Variants in DPP10 observed in about 807,000 individuals in gnomAD.
The protein encoded by DPP10 is dipeptidyl peptidase like 10.
Under a neutral mutation model 120.9 loss-of-function variants are expected in DPP10, and 33 were observed. The observed-to-expected ratio is 0.27, with a 90% CI of 0.21 to 0.37. The LOEUF is 0.37. Among genes scored for constraint, DPP10 ranks in the 10% least tolerant of loss-of-function variants. The pLI is 1.00. For missense variants in DPP10, 816 were observed against 942.8 expected, an observed-to-expected ratio of 0.87 and a Z score of 1.76; for synonymous variants, 337 against 326.1, an observed-to-expected ratio of 1.03 and a Z score of -0.36.
At chr2:115,304,337 T>C (rs2061271887) in intron 1 of DPP10, among the ~76,000 whole-genome samples, 3 of 151,998 alleles carry the variant, frequency 2.0e-5, no homozygotes, top group African/African-American at 7.2e-5. Context: ...GAGTGATTGG[T>C]GTGATTGGGT....
intron 1 of DPP10, among the ~76,000 whole-genome samples, chr2:115,287,611 A>G (rs528329526): frequency 5.1e-4 from 78 of 152,242 alleles, no homozygotes; most frequent in Admixed American, 2.6e-3. Context: ...AAGTTGCGGC[A>G]AAAGACATTA....
intron 1 of DPP10, among the ~76,000 whole-genome samples, chr2:114,754,679 G>T (rs1038817214): frequency 6.6e-6 from 1 of 152,036 alleles, no homozygotes; most frequent in Non-Finnish European, 1.5e-5. Context: ...TCTAGCATGC[G>T]GCCTAGGTCA....
intron 1 of DPP10, among the ~76,000 whole-genome samples, chr2:114,919,036 CAAAAA>C (rs10559818): frequency 4.0e-5 from 5 of 124,848 alleles, no homozygotes; most frequent in South Asian, 2.7e-4. Context: ...AAAGAGATTC[CAAAAA>C]AAAAAAAAAA....
chr2:115,403,115 T>C (rs957658279), intron 3 of DPP10, among the ~76,000 whole-genome samples: 4 of 151,256 alleles, frequency 2.6e-5, no homozygotes, highest in African/African-American at 9.7e-5. Context: ...GTTCAAAATA[T>C]GCAGATCAAT....
intron 1 of DPP10, among the ~76,000 whole-genome samples, chr2:114,528,022 T>A (rs769400540): frequency 6.6e-6 from 1 of 152,132 alleles, no homozygotes; most frequent in Non-Finnish European, 1.5e-5. Context: ...AGAACCTTCA[T>A]AAATGGAGAG....
At position 114,998,586 on chromosome 2, in the gene DPP10, T is replaced by C. The variant is rs547712525; in HGVS notation, c.61-310653T>C. Among the ~76,000 whole-genome samples, 67 of 152,266 alleles carry C rather than the reference T, an allele frequency of 4.4e-4. 1 individual carries two copies. The highest frequency in any genetic ancestry group is 1.2e-3 in the Admixed American group (19 of 15,300). On this transcript the variant is annotated intron_variant, in intron 1 of 25. Transcript: ENST00000410059. ...CTTCTCTCTGTCCTTGTGTTTCTTA[T>C]CTGAATTCATTTGATTAATCAGTAT...
intron 1 of DPP10, among the ~76,000 whole-genome samples, chr2:115,144,538 T>C (rs999162484): frequency 6.6e-5 from 10 of 151,560 alleles, no homozygotes; most frequent in African/African-American, 2.4e-4. Context: ...TAGGCAGGGT[T>C]TTAAATGATG....
At chr2:115,689,621 A>T in intron 5 of DPP10, 66 bp from the exon 6 acceptor site, 2 of 1,055,490 alleles carry the variant, frequency 1.9e-6, no homozygotes, top group Non-Finnish European at 2.7e-6. Flanking sequence ...TGTTACTAAG[A>T]ATATATATAC....
At chr2:114,913,671 C>T (rs1383595308) in intron 1 of DPP10, among the ~76,000 whole-genome samples, 2 of 152,126 alleles carry the variant, frequency 1.3e-5, no homozygotes, top group African/African-American at 2.4e-5. Context: ...TCCAGAGAAC[C>T]TCCAAACAAC....
intron 1 of DPP10, among the ~76,000 whole-genome samples, chr2:114,958,182 T>C (rs1199286528): frequency 6.6e-6 from 1 of 152,134 alleles, no homozygotes; most frequent in Non-Finnish European, 1.5e-5. Flanking sequence ...AACAGCTGGA[T>C]TGGTTACAGA....
chr2:115,528,674 T>C (rs1363170534), intron 5 of DPP10, among the ~76,000 whole-genome samples: 1 of 152,004 alleles, frequency 6.6e-6, no homozygotes, highest in Admixed American at 6.6e-5. Context: ...GTAATAAATA[T>C]TCAGCAATAC....
chr2:114,953,134 A>G (rs906511917), intron 1 of DPP10, among the ~76,000 whole-genome samples: 4 of 152,080 alleles, frequency 2.6e-5, no homozygotes, highest in African/African-American at 9.7e-5. Flanking sequence ...AAATCCTTCA[A>G]AAGTTTAAAA....
At chr2:114,789,844 TA>T (rs1456045931) in intron 1 of DPP10, among the ~76,000 whole-genome samples, 1 of 152,186 alleles carries the variant, frequency 6.6e-6, no homozygotes, top group Admixed American at 6.5e-5. Context: ...CAGAGAAGAA[TA>T]AATTCCAGTG....
chr2:115,046,447 G>A (rs1024456732), intron 1 of DPP10, among the ~76,000 whole-genome samples: 4 of 152,102 alleles, frequency 2.6e-5, no homozygotes, highest in Admixed American at 6.6e-5. Flanking sequence ...TTCTCTGCTT[G>A]GGTAAGGAAA....
At chr2:115,307,131 G>T (rs2106009812) in intron 1 of DPP10, among the ~76,000 whole-genome samples, 1 of 152,180 alleles carries the variant, frequency 6.6e-6, no homozygotes, top group Admixed American at 6.6e-5. Context: ...TTGTGAAGAT[G>T]ACACTAATCT....
intron 1 of DPP10, among the ~76,000 whole-genome samples, chr2:114,757,352 A>T (rs1157558570): frequency 2.4e-5 from 2 of 83,260 alleles, no homozygotes; most frequent in Non-Finnish European, 4.5e-5. Flanking sequence ...AAGTAGGGAG[A>T]GGGGGAGGGA....
At chr2:114,683,555 T>TCTCC (rs1276469239) in intron 1 of DPP10, among the ~76,000 whole-genome samples, 236 of 140,732 alleles carry the variant, frequency 1.7e-3, no homozygotes, top group African/African-American at 6.0e-3. Context: ...TCCCTCTCTC[T>TCTCC]CTCCCTCCCT....
At chr2:115,122,743 C>T (rs2049887691) in intron 1 of DPP10, among the ~76,000 whole-genome samples, 1 of 152,178 alleles carries the variant, frequency 6.6e-6, no homozygotes, top group African/African-American at 2.4e-5. Flanking sequence ...AGGAAACAAG[C>T]AGAGGAAACC....
chr2:115,383,434 C>G (rs376132653), intron 3 of DPP10, among the ~76,000 whole-genome samples: 1 of 152,202 alleles, frequency 6.6e-6, no homozygotes, highest in African/African-American at 2.4e-5. Context: ...AAACCTCTTA[C>G]TTTTGTAAAT....
Sources: allele counts gnomAD v4.1 joint callset (sites outside exome capture counted in the v4.1 genomes callset), GRCh38; gene constraint gnomAD v4.1.1; transcripts MANE v1.5; gene names NCBI Gene and HGNC (gene_info 2026-07-23, HGNC 2026-07-21).